Variants in SYTL5 observed in about 807,000 individuals in gnomAD.
The protein encoded by SYTL5 is synaptotagmin-like protein 5.
SYTL5 carries 34 observed loss-of-function variants against 55.9 expected under a neutral mutation model. That is an observed-to-expected ratio of 0.61 (90% CI 0.46 to 0.81). The LOEUF is 0.81. Among genes scored for constraint, SYTL5 ranks in the 30% least tolerant of loss-of-function variants. The pLI is 0.00. For missense variants in SYTL5, 637 were observed against 546.7 expected, an observed-to-expected ratio of 1.17 and a Z score of -1.65; for synonymous variants, 221 against 188.7, an observed-to-expected ratio of 1.17 and a Z score of -1.40.
At chrX:38,118,811 G>A (rs1038280847) in intron 13 of SYTL5, among the ~76,000 whole-genome samples, 13 of 108,688 alleles carry the variant, frequency 1.2e-4, no homozygotes, top group Non-Finnish European at 2.3e-4. Context: ...CTGGAGTACT[G>A]TGGCACAATC....
chrX:38,076,506 A>T, intron 5 of SYTL5, 61 bp from the exon 6 acceptor site: 4 of 913,471 alleles, frequency 4.4e-6, no homozygotes, highest in Non-Finnish European at 6.0e-6. Context: ...TGTATTCTTG[A>T]AATGATATTT....
chrX:38,048,061 C>T (rs772865079), intron 2 of SYTL5, among the ~76,000 whole-genome samples: 1 of 110,423 alleles, frequency 9.1e-6, no homozygotes, highest in East Asian at 2.9e-4. Context: ...TGGTGGGCAC[C>T]TGTAGTCCCA....
chrX:37,919,797 C>T, the SYTL5 span, among the ~76,000 whole-genome samples: 2 of 112,360 alleles, frequency 1.8e-5, no homozygotes, highest in African/African-American at 3.2e-5. Flanking sequence ...ATTTTTGTAA[C>T]CTTTTTGTGT....
Position 38,100,163 on chromosome X carries a change from G to T in SYTL5, c.1063-2179G>T, listed in dbSNP as rs191185826. On this transcript the variant is annotated intron_variant, in intron 9 of 16. Coordinates refer to ENST00000297875, the MANE Select transcript of SYTL5 (RefSeq NM_138780.3). Reference sequence around the variant, plus strand: ...AGGAATTGGCATTAATTCTTCCTCAGATGTTCAGAAGAATTCATCCATGAA... The same window carrying T: ...AGGAATTGGCATTAATTCTTCCTCATATGTTCAGAAGAATTCATCCATGAA... Among the ~76,000 whole-genome samples the T allele has an allele frequency of 3.3e-4, 37 of 110,867 alleles. No individual in the cohort carries two copies. In the East Asian group the frequency reaches 9.9e-3, roughly 30 times the overall value.
At chrX:38,083,363 C>G (rs182245816) in intron 6 of SYTL5, among the ~76,000 whole-genome samples, 1 of 111,895 alleles carries the variant, frequency 8.9e-6, no homozygotes, top group Non-Finnish European at 1.9e-5. Context: ...TTAAAGGGAA[C>G]AAATCCATTA....
chrX:37,983,160 A>G, the SYTL5 span, among the ~76,000 whole-genome samples: 1 of 111,988 alleles, frequency 8.9e-6, no homozygotes, highest in Non-Finnish European at 1.9e-5. Context: ...AACAAAAAGT[A>G]AAATGGCAGA....
the SYTL5 span, among the ~76,000 whole-genome samples, chrX:37,945,316 T>TATGACATCTTAGTCAGATTTC: frequency 8.9e-6 from 1 of 112,357 alleles, no homozygotes; most frequent in South Asian, 3.7e-4. Context: ...ATACTAACTT[T>TATGACATCTTAGTCAGATTTC]ATGACATCTT....
At chrX:37,896,071 T>C in the SYTL5 span, among the ~76,000 whole-genome samples, 4 of 112,348 alleles carry the variant, frequency 3.6e-5, no homozygotes, top group East Asian at 2.8e-4. Flanking sequence ...TAATACATTG[T>C]TCTATTAAAA....
chrX:38,114,047 C>A (rs1325156044), intron 13 of SYTL5, among the ~76,000 whole-genome samples: 1 of 111,150 alleles, frequency 9.0e-6, no homozygotes, highest in Non-Finnish European at 1.9e-5. Context: ...CACTTTTGGT[C>A]CCCCTTCCCC....
At chrX:37,919,136 G>C in the SYTL5 span, among the ~76,000 whole-genome samples, 2 of 111,250 alleles carry the variant, frequency 1.8e-5, no homozygotes, top group Non-Finnish European at 3.8e-5. Flanking sequence ...GTGTTGACAG[G>C]ACTTAGAATC....
the SYTL5 span, chrX:37,990,754 G>A: frequency 9.0e-7 from 1 of 1,110,108 alleles, no homozygotes; most frequent in South Asian, 2.3e-5. Flanking sequence ...GGATACAATA[G>A]GCAGGACTAA....
chrX:37,958,222 C>CA, the SYTL5 span, among the ~76,000 whole-genome samples: 1 of 104,791 alleles, frequency 9.5e-6, no homozygotes, highest in African/African-American at 3.5e-5. Context: ...AAAAAAAAAA[C>CA]AAAAAAAACC....
intron 2 of SYTL5, among the ~76,000 whole-genome samples, chrX:38,041,081 C>T (rs5964287): frequency 9.0e-6 from 1 of 110,845 alleles, no homozygotes; most frequent in Non-Finnish European, 1.9e-5. Context: ...CCTAGTAACT[C>T]CCATTCACCT....
intron 1 of SYTL5, among the ~76,000 whole-genome samples, chrX:38,007,559 G>T (rs1383579291): frequency 9.0e-6 from 1 of 111,499 alleles, no homozygotes; most frequent in Non-Finnish European, 1.9e-5. Context: ...ATGTAATAAT[G>T]CATTTAGAAG....
the SYTL5 span, among the ~76,000 whole-genome samples, chrX:37,944,199 A>T: frequency 9.0e-6 from 1 of 111,194 alleles, no homozygotes; most frequent in Non-Finnish European, 1.9e-5. Context: ...CTATAACCAA[A>T]TCTTCTTACT....
At chrX:38,086,817 T>G (rs1369468655) in intron 6 of SYTL5, among the ~76,000 whole-genome samples, 1 of 111,925 alleles carries the variant, frequency 8.9e-6, no homozygotes, top group Non-Finnish European at 1.9e-5. Flanking sequence ...CTAAACCTTT[T>G]TTGAGTTTAA....
the SYTL5 span, among the ~76,000 whole-genome samples, chrX:37,992,387 G>A: frequency 1.8e-5 from 2 of 113,211 alleles, no homozygotes; most frequent in Non-Finnish European, 3.7e-5. Flanking sequence ...GGGTTGGTCA[G>A]AGGCTGCACA....
chrX:37,928,937 C>T, the SYTL5 span, among the ~76,000 whole-genome samples: 3 of 112,008 alleles, frequency 2.7e-5, no homozygotes, highest in African/African-American at 9.7e-5. Context: ...GTCATATGTG[C>T]TTTAGAATAT....
intron 1 of SYTL5, among the ~76,000 whole-genome samples, chrX:38,027,190 T>C (rs1209570474): frequency 1.8e-5 from 2 of 111,527 alleles, no homozygotes; most frequent in Non-Finnish European, 3.8e-5. Flanking sequence ...TTTAAGAAAA[T>C]TTTCAGTAAA....
Sources: gnomAD v4.1 joint callset for allele counts (sites outside exome capture counted in the v4.1 genomes callset) on GRCh38, gnomAD v4.1.1 for gene constraint, MANE v1.5 for transcripts, NCBI Gene and HGNC (gene_info 2026-07-23, HGNC 2026-07-21) for gene names.